SLC3A1: variants seen among roughly 807,000 people sequenced by gnomAD.
SLC3A1 encodes amino acid transporter heavy chain SLC3A1.
In SLC3A1, 78 loss-of-function variants were observed where a neutral mutation model predicts 60.3. The ratio of observed to expected loss-of-function variants is 1.29; its 90% CI spans 1.08 to 1.56. The LOEUF (loss-of-function observed/expected upper bound fraction) is 1.56, where lower values mean the gene tolerates loss of function less well. SLC3A1 is among the 40% of genes most tolerant of loss of function. SLC3A1 has a pLI of 0.00. For synonymous variants in SLC3A1, 392 were observed against 307.9 expected, an observed-to-expected ratio of 1.27 and a Z score of -2.86; for missense variants, 1,172 against 858.9, an observed-to-expected ratio of 1.36 and a Z score of -4.56.
chr2:44,284,490 A>T (rs1446572782), intron 3 of SLC3A1, among the ~76,000 whole-genome samples: 1 of 152,190 alleles, frequency 6.6e-6, no homozygotes, highest in Non-Finnish European at 1.5e-5. Context: ...ACCAATTTAT[A>T]TCCCCCACAG....
intron 9 of SLC3A1, among the ~76,000 whole-genome samples, chr2:44,317,273 G>A (rs1466231670): frequency 6.6e-6 from 1 of 152,058 alleles, no homozygotes; most frequent in Non-Finnish European, 1.5e-5. Flanking sequence ...GACCAGCCTA[G>A]GCAACATAGT....
Position 44,280,900 on chromosome 2 carries a change from G to A in SLC3A1, c.610+5G>A. On this transcript the variant is annotated splice_donor_5th_base_variant and intron_variant, in intron 2 of 9. Transcript: ENST00000260649. ...TTGCAGCCATACATGATAAAGGTAA[G>A]TTGAATGGAAAGTGGGCAAGATGGG... The A allele has an allele frequency of 6.2e-7, 1 of 1,613,704 alleles. No homozygotes were observed. The highest frequency in any genetic ancestry group is 8.5e-7 in the Non-Finnish European group (1 of 1,179,642).
At chr2:44,278,741 T>A (rs1483033139) in intron 1 of SLC3A1, among the ~76,000 whole-genome samples, 4 of 152,054 alleles carry the variant, frequency 2.6e-5, no homozygotes, top group African/African-American at 9.7e-5. Flanking sequence ...AAATACAAAG[T>A]TTCATTTCCA....
At position 44,292,374 on chromosome 2, in the gene SLC3A1, G is replaced by T. The variant is rs188657424; in HGVS notation, c.891+6217G>T. On this transcript the variant is annotated intron_variant, in intron 4 of 9. Transcript: ENST00000260649. ...ATCTCTATGCTTGATAATAATAATT[G>T]TGCCATTTATTGCACCTCCTCTATG... Among the ~76,000 whole-genome samples the T allele has an allele frequency of 3.3e-5, 5 of 152,216 alleles. No homozygotes were observed. In the East Asian group the frequency reaches 9.7e-4, roughly 29 times the overall value.
rs749367795 is a variant in SLC3A1, at chr2:44,286,171, C to G, written c.891+14C>G. 2.5e-6 allele frequency: 4 copies of G among 1,612,362 alleles called. No individual in the cohort carries two copies. Among genetic ancestry groups the G allele is most frequent in the East Asian group, 2.2e-5 (1 of 44,876 alleles). ...GAAGAAATAAAAGTGAGTATAGATA[C>G]CCACACAGACTTCTCCATTAATGGA... is the stretch of plus-strand genomic sequence containing the variant. On this transcript the variant is annotated intron_variant, in intron 4 of 9. Transcript: ENST00000260649.
chr2:44,293,913 C>T (rs1363829810), intron 4 of SLC3A1, among the ~76,000 whole-genome samples: 2 of 151,594 alleles, frequency 1.3e-5, no homozygotes, highest in Non-Finnish European at 2.9e-5. Flanking sequence ...AATGGGGTTA[C>T]TTGAAGATTA....
At chr2:44,294,209 A>G (rs1200484829) in intron 4 of SLC3A1, among the ~76,000 whole-genome samples, 1 of 152,072 alleles carries the variant, frequency 6.6e-6, no homozygotes, top group African/African-American at 2.4e-5. Context: ...TGGGTAATAT[A>G]AAGACTGAAA....
At position 44,299,833 on chromosome 2, in the gene SLC3A1, T is replaced by C. The variant is rs1425638875; in HGVS notation, c.892-138T>C. The C allele has an allele frequency of 1.2e-5, 11 of 901,564 alleles. No individual in the cohort carries two copies. The East Asian group carries it at 1.7e-4, about 14-fold the overall frequency. 55.8% of individuals were successfully genotyped at this position (901,564 alleles called of 1,614,324 possible). A position where few individuals can be genotyped will look rare whatever the true frequency, so the allele number is the denominator to read the frequency against. The stretch of plus-strand genomic sequence containing the variant: ...GACAGTTATGCTAAATAGATAAAAA[T>C]AGACTGTGAATACTGTGCTTGTTCT... On this transcript the variant is annotated intron_variant, in intron 4 of 9. Coordinates refer to ENST00000260649, the MANE Select transcript of SLC3A1 (RefSeq NM_000341.4).
chr2:44,280,841 A>G lies in SLC3A1; in HGVS notation c.556A>G (p.Ile186Val). ...TGAAGATTTCCGGGAAGTTGATCCCATTTTTGGAACGATGGAAGATTTTGA... is the reference window on the plus strand; with the variant it reads ...TGAAGATTTCCGGGAAGTTGATCCCGTTTTTGGAACGATGGAAGATTTTGA... ...GVEDFREVDP[I>V]FGTMEDFENL... The change falls in exon 2 of 10, where the codon ATT becomes GTT. Residue 186 changes from isoleucine to valine, a missense_variant. By Grantham distance (29) the Ile-to-Val change is conservative. Coordinates refer to ENST00000260649, the MANE Select transcript of SLC3A1 (RefSeq NM_000341.4). 2 of 1,614,130 alleles carry G rather than the reference A, an allele frequency of 1.2e-6. No individual in the cohort carries two copies. The highest frequency in any genetic ancestry group is 2.2e-5 in the East Asian group (1 of 44,874).
At chr2:44,315,379 T>C (rs535218402) in intron 9 of SLC3A1, 2 of 151,924 alleles carry the variant, frequency 1.3e-5, no homozygotes, top group African/African-American at 4.8e-5. Context: ...CTGGGCACCA[T>C]GGCTCACAGC....
At chr2:44,285,488 G>C (rs1168243756) in intron 3 of SLC3A1, 1 of 360,402 alleles carries the variant, frequency 2.8e-6, no homozygotes, top group Non-Finnish European at 5.5e-6. Context: ...TCCAGACAGA[G>C]GAGACCAGCG....
chr2:44,318,034 A>C, intron 9 of SLC3A1: 1 of 403,980 alleles, frequency 2.5e-6, no homozygotes, highest in Middle Eastern at 3.6e-4. Context: ...TAATAATTCC[A>C]TTCCTAATAC....
At chr2:44,294,234 G>A (rs1330220694) in intron 4 of SLC3A1, among the ~76,000 whole-genome samples, 1 of 152,180 alleles carries the variant, frequency 6.6e-6, no homozygotes, top group Non-Finnish European at 1.5e-5. Flanking sequence ...TCTGGGCGTG[G>A]TGGCTCATGC....
intron 2 of SLC3A1, 57 bp from the exon 3 acceptor site, chr2:44,281,330 C>A: frequency 6.8e-7 from 1 of 1,475,260 alleles, no homozygotes; most frequent in Non-Finnish European, 9.5e-7. Context: ...CCTGGCCTGT[C>A]ATATGTTATT....
chr2:44,318,990 A>G (rs1380188666), intron 9 of SLC3A1: 1 of 152,248 alleles, frequency 6.6e-6, no homozygotes, highest in African/African-American at 2.4e-5. Flanking sequence ...AGTAGACAAT[A>G]ATAGCTAACA....
chr2:44,320,286 T>A lies in SLC3A1; in HGVS notation c.1705T>A (p.Trp569Arg), dbSNP rs1188414273. The change falls in exon 10 of 10, where the codon TGG becomes AGG. Residue 569 changes from tryptophan to arginine, a missense_variant. Trp to Arg is a moderately radical substitution (Grantham distance 101). Coordinates refer to ENST00000260649, the MANE Select transcript of SLC3A1 (RefSeq NM_000341.4). ...CAATGAGCTACTCCTCAACAGGGGC[T>A]GGTTTTGCCATTTGAGGAATGACAG... The part of the protein sequence containing the change: ...HANELLLNRG[W>R]FCHLRNDSHY... 3 of 1,614,130 alleles carry A rather than the reference T, an allele frequency of 1.9e-6. No individual in the cohort carries two copies. Among genetic ancestry groups the A allele is most frequent in the African/African-American group, 2.7e-5 (2 of 75,058 alleles).
Position 44,320,337 on chromosome 2 carries a change from C to T in SLC3A1, c.1756C>T (p.Leu586=), listed in dbSNP as rs765436747. ...CCACTATGTTGTGTACACAAGAGAG[C>T]TGGATGGCATCGACAGAATCTTTAT... ...DSHYVVYTRE[L]DGIDRIFIVV... is the part of the protein sequence containing the mutation. Residue 586 remains leucine, a synonymous_variant, in exon 10 of 10, where the codon CTG becomes TTG. Transcript: ENST00000260649. The T allele has an allele frequency of 8.1e-6, 13 of 1,614,128 alleles. No individual in the cohort carries two copies. The Admixed American group carries it at 2.2e-4, about 27-fold the overall frequency.
chr2:44,277,969 T>C (rs545727433), intron 1 of SLC3A1, among the ~76,000 whole-genome samples: 6 of 152,114 alleles, frequency 3.9e-5, no homozygotes, highest in Non-Finnish European at 8.8e-5. Flanking sequence ...AAATGTGGGG[T>C]GGGATCCCTT....
chr2:44,277,313 G>T (rs1298684197), intron 1 of SLC3A1, among the ~76,000 whole-genome samples: 2 of 151,860 alleles, frequency 1.3e-5, no homozygotes, highest in South Asian at 2.1e-4. Context: ...CTCCATGTTG[G>T]TCAGGCTAGT....
Sources: allele counts gnomAD v4.1 joint callset (sites outside exome capture counted in the v4.1 genomes callset), GRCh38; gene constraint gnomAD v4.1.1; transcripts MANE v1.5; gene names NCBI Gene and HGNC (gene_info 2026-07-23, HGNC 2026-07-21).